BRD4: variants seen among roughly 807,000 people sequenced by gnomAD.
The protein encoded by BRD4 is bromodomain-containing protein 4.
Under a neutral mutation model 142.1 loss-of-function variants are expected in BRD4, and 16 were observed. The observed-to-expected ratio is 0.11, with a 90% CI of 0.08 to 0.17. BRD4 has a LOEUF of 0.17. Ranked by LOEUF, BRD4 falls within the 10% of genes least tolerant of loss-of-function variation. The pLI is 1.00. For missense variants in BRD4, 1,424 were observed against 1,810.9 expected (o/e 0.79, Z 3.88); for synonymous variants, 833 against 707.5 (o/e 1.18, Z -2.82).
rs71333363 is a variant in BRD4 at position 15,255,199 on chromosome 19, A to AGG, written c.2047+96_2047+97dup. On this transcript the variant is annotated intron_variant, in intron 10 of 19. Transcript: ENST00000679869. The stretch of plus-strand genomic sequence containing the variant: ...CAGATATTATAATTGGAAAAAAAAA[A>AGG]GGGGGGGGGCGCAGAAAGAGTGGAC... 17,903 of 1,065,822 alleles carry AGG rather than the reference A, an allele frequency of 0.017. 139 individuals carry two copies. Among genetic ancestry groups the AGG allele is most frequent in the African/African-American group, 0.056 (3,360 of 59,730 alleles). The allele number at this position is 1,065,822 out of a possible 1,614,324, so 66.0% of individuals were successfully genotyped here. A position where few individuals can be genotyped will look rare whatever the true frequency, so the allele number is the denominator to read the frequency against.
intron 1 of BRD4, among the ~76,000 whole-genome samples, chr19:15,307,173 T>G (rs1457012584): frequency 2.0e-5 from 3 of 151,984 alleles, no homozygotes; most frequent in Non-Finnish European, 2.9e-5. Flanking sequence ...GTGACACAAA[T>G]CAGAATCACT....
At chr19:15,288,735 C>T (rs1234080656) in intron 1 of BRD4, among the ~76,000 whole-genome samples, 3 of 152,232 alleles carry the variant, frequency 2.0e-5, no homozygotes, top group African/African-American at 7.2e-5. Flanking sequence ...GCCACTAAGC[C>T]GTGGCGGGTG....
intron 11 of BRD4, chr19:15,248,228 T>TTGTG (rs540316744): frequency 4.0e-4 from 87 of 219,232 alleles, no homozygotes; most frequent in African/African-American, 1.9e-3. Context: ...AAAAGCCTAT[T>TTGTG]TGTGTCTCTG....
At chr19:15,289,552 A>AAAATGAAT (rs2047765313) in intron 1 of BRD4, among the ~76,000 whole-genome samples, 2 of 152,094 alleles carry the variant, frequency 1.3e-5, no homozygotes. Context: ...ACTCCATCTT[A>AAAATGAAT]AAATAAATAA....
At chr19:15,285,699 G>A (rs1330961313) in intron 1 of BRD4, among the ~76,000 whole-genome samples, 1 of 152,158 alleles carries the variant, frequency 6.6e-6, no homozygotes, top group Admixed American at 6.5e-5. Flanking sequence ...GAGATGGCAA[G>A]ATAACATAAA....
chr19:15,248,786 G>C (rs1225278082), intron 11 of BRD4: 2 of 242,802 alleles, frequency 8.2e-6, no homozygotes, highest in African/African-American at 2.2e-5. Context: ...CTAGAGGTCA[G>C]AGTGTTCTTC....
intron 1 of BRD4, among the ~76,000 whole-genome samples, chr19:15,323,178 TAAAAAAAAAAA>T (rs1017018376): frequency 1.5e-4 from 11 of 73,070 alleles, no homozygotes; most frequent in Admixed American, 3.7e-4. Context: ...TCCATCTCTT[TAAAAAAAAAAA>T]AAAAAAAAAA....
Position 15,265,347 on chromosome 19 carries a change from G to C in BRD4, c.849+7C>G. 2.0e-6 allele frequency: 3 copies of C among 1,500,448 alleles called. No individual in the cohort carries two copies. Among genetic ancestry groups the C allele is most frequent in the Non-Finnish European group, 2.7e-6 (3 of 1,127,282 alleles). 92.9% of individuals were successfully genotyped at this position (1,500,448 alleles called of 1,614,324 possible). On this transcript the variant is annotated splice_region_variant and intron_variant, in intron 5 of 19. Coordinates refer to ENST00000679869, the MANE Select transcript of BRD4 (RefSeq NM_001379291.1). The stretch of plus-strand genomic sequence containing the variant: ...TGAAGCAGCCCTCCAGAGTCCAGGA[G>C]ACTCACCTTCACAGGCTGTGGGGTG...
chr19:15,313,925 T>C (rs1040158748), intron 1 of BRD4, among the ~76,000 whole-genome samples: 1 of 152,118 alleles, frequency 6.6e-6, no homozygotes, highest in African/African-American at 2.4e-5. Flanking sequence ...CATCAAGTGC[T>C]TGCCGGAAAA....
intron 14 of BRD4, among the ~76,000 whole-genome samples, chr19:15,240,901 C>G (rs1382102690): frequency 6.6e-6 from 1 of 152,226 alleles, no homozygotes; most frequent in Non-Finnish European, 1.5e-5. Context: ...GCTTTTGCTC[C>G]CAGCCTAGCC....
intron 1 of BRD4, among the ~76,000 whole-genome samples, chr19:15,329,824 G>T (rs1365968573): frequency 3.3e-5 from 5 of 152,152 alleles, no homozygotes; most frequent in Non-Finnish European, 5.9e-5. Flanking sequence ...TGTGAAACAA[G>T]AAAATATTGT....
At chr19:15,316,209 G>A (rs1307724997) in intron 1 of BRD4, among the ~76,000 whole-genome samples, 1 of 131,992 alleles carries the variant, frequency 7.6e-6, no homozygotes, top group Non-Finnish European at 1.6e-5. Flanking sequence ...AATCCTGAAA[G>A]AGTATCCAGT....
chr19:15,288,872 C>T (rs2047760216), intron 1 of BRD4, among the ~76,000 whole-genome samples: 2 of 152,172 alleles, frequency 1.3e-5, no homozygotes, highest in African/African-American at 4.8e-5. Flanking sequence ...AGGGAAAGTT[C>T]AGAGGAGCAG....
At chr19:15,322,534 C>T (rs1345681855) in intron 1 of BRD4, among the ~76,000 whole-genome samples, 1 of 149,650 alleles carries the variant, frequency 6.7e-6, no homozygotes, top group Non-Finnish European at 1.5e-5. Context: ...ACGGTGAAAC[C>T]CCGTCTCTAC....
chr19:15,301,539 G>A (rs2047867517), intron 1 of BRD4, among the ~76,000 whole-genome samples: 1 of 150,192 alleles, frequency 6.7e-6, no homozygotes, highest in Non-Finnish European at 1.5e-5. Context: ...CTCCAGCCTG[G>A]GCGACAGAGC....
chr19:15,276,368 C>T (rs2047646643), intron 1 of BRD4, among the ~76,000 whole-genome samples: 2 of 152,108 alleles, frequency 1.3e-5, no homozygotes, highest in Non-Finnish European at 2.9e-5. Flanking sequence ...CGGTTCCCCC[C>T]AACCCCACAC....
Position 15,264,665 on chromosome 19 carries a change from C to A in BRD4, c.951G>T (p.Lys317Asn). 1 of 1,613,670 alleles carries A rather than the reference C, an allele frequency of 6.2e-7. No individual in the cohort carries two copies. Among genetic ancestry groups the A allele is most frequent in the Non-Finnish European group, 8.5e-7 (1 of 1,180,016 alleles). Residue 317 changes from lysine (K) to asparagine (N), a missense_variant, in exon 6 of 20, where the codon AAG becomes AAT. Physicochemically the swap from Lys to Asn is moderately conservative, Grantham distance 94. Coordinates refer to ENST00000679869, the MANE Select transcript of BRD4 (RefSeq NM_001379291.1). ...PSLPPEPKTT[K>N]LGQRRESSRP... Reference sequence around the variant, plus strand: ...GGCTGCTCTCCCGCCGCTGGCCCAGCTTGGTGGTCTTGGGCTCCGGGGGCA... The same window carrying A: ...GGCTGCTCTCCCGCCGCTGGCCCAGATTGGTGGTCTTGGGCTCCGGGGGCA...
At chr19:15,289,672 A>T in intron 1 of BRD4, among the ~76,000 whole-genome samples, 1 of 150,556 alleles carries the variant, frequency 6.6e-6, no homozygotes. Context: ...ATCCAAAAAA[A>T]AAAAGAAAAA....
chr19:15,289,521 A>G (rs536593638), intron 1 of BRD4, among the ~76,000 whole-genome samples: 69 of 152,326 alleles, frequency 4.5e-4, no homozygotes, highest in Admixed American at 1.1e-3. Context: ...ACTGCACTCC[A>G]GCCTGGGCAA....
Sources: allele counts gnomAD v4.1 joint callset (sites outside exome capture counted in the v4.1 genomes callset), GRCh38; gene constraint gnomAD v4.1.1; transcripts MANE v1.5; gene names NCBI Gene and HGNC (gene_info 2026-07-23, HGNC 2026-07-21).